Variants in GALNTL6 observed in about 807,000 individuals in gnomAD.
GALNTL6 encodes the protein polypeptide N-acetylgalactosaminyltransferase-like 6.
A neutral mutation model predicts 73.7 loss-of-function variants in GALNTL6; 46 were observed. That is an observed-to-expected ratio of 0.62 (90% CI 0.49 to 0.80). The LOEUF (loss-of-function observed/expected upper bound fraction) is 0.80, where lower values mean the gene tolerates loss of function less well. Among genes scored for constraint, GALNTL6 ranks in the 30% least tolerant of loss-of-function variants. GALNTL6 has a pLI of 0.00. For missense variants in GALNTL6, 604 were observed against 755.0 expected, an observed-to-expected ratio of 0.80 and a Z score of 2.34; for synonymous variants, 259 against 263.7, an observed-to-expected ratio of 0.98 and a Z score of 0.17.
chr4:172,481,180 G>A (rs924608536), intron 5 of GALNTL6, among the ~76,000 whole-genome samples: 2 of 152,062 alleles, frequency 1.3e-5, no homozygotes, highest in Non-Finnish European at 2.9e-5. Flanking sequence ...TGAAGCTGCA[G>A]ACCTTCACGA....
chr4:172,083,760 G>T (rs1299416876), intron 2 of GALNTL6, among the ~76,000 whole-genome samples: 1 of 151,678 alleles, frequency 6.6e-6, no homozygotes, highest in Non-Finnish European at 1.5e-5. Flanking sequence ...GTTTTTTTAC[G>T]TGTCTCTCTC....
At chr4:172,815,402 C>T (rs1321416596) in intron 7 of GALNTL6, among the ~76,000 whole-genome samples, 2 of 152,158 alleles carry the variant, frequency 1.3e-5, no homozygotes, top group East Asian at 3.8e-4. Flanking sequence ...TGCTGGCCCA[C>T]AGCAGAAGAG....
chr4:172,695,880 G>A (rs1172403448), intron 5 of GALNTL6, among the ~76,000 whole-genome samples: 1 of 152,004 alleles, frequency 6.6e-6, no homozygotes, highest in Non-Finnish European at 1.5e-5. Flanking sequence ...ATGAACCCAG[G>A]AGGTGGAGCT....
At position 172,274,403 on chromosome 4, in the gene GALNTL6, G is replaced by A. The variant is rs547654382; in HGVS notation, c.248-37211G>A. On this transcript the variant is annotated intron_variant, in intron 3 of 12. Transcript: ENST00000506823. ...ATCTTTAAAAAAATTAAAACTTGAA[G>A]AATTTAAGTAAATTGCCCACAGCAA... Among the ~76,000 whole-genome samples, 7 of 152,284 alleles carry A rather than the reference G, an allele frequency of 4.6e-5. No homozygotes were observed. The East Asian group carries it at 1.2e-3, about 25-fold the overall frequency.
chr4:172,951,199 A>G (rs907487202), intron 9 of GALNTL6, among the ~76,000 whole-genome samples: 9 of 152,222 alleles, frequency 5.9e-5, no homozygotes, highest in African/African-American at 1.9e-4. Context: ...TAAGTGCTTT[A>G]CGGGTGTTGC....
At chr4:172,562,638 A>G (rs1371429977) in intron 5 of GALNTL6, among the ~76,000 whole-genome samples, 1 of 152,214 alleles carries the variant, frequency 6.6e-6, no homozygotes, top group Non-Finnish European at 1.5e-5. Flanking sequence ...CTCTTCTCTG[A>G]CATAAGGTAT....
In GALNTL6 at chr4:172,987,071, C is replaced by T. The variant is rs115953485; in HGVS notation, c.1372-22107C>T. 8.2e-3 allele frequency among the ~76,000 whole-genome samples: 1,252 copies of T among 152,174 alleles called. 15 individuals carry two copies. Among genetic ancestry groups the T allele is most frequent in the African/African-American group, 0.028 (1,163 of 41,524 alleles). On this transcript the variant is annotated intron_variant, in intron 10 of 12. Transcript: ENST00000506823. The stretch of plus-strand genomic sequence containing the variant: ...TTTAGAAACATAATTTTTCTCTCTC[C>T]AGTCTCCGAATTTTATTAAAGACAA...
At chr4:172,993,404 C>G (rs143753647) in intron 10 of GALNTL6, among the ~76,000 whole-genome samples, 1 of 152,336 alleles carries the variant, frequency 6.6e-6, no homozygotes, top group African/African-American at 2.4e-5. Context: ...GCCACCTAAT[C>G]TGTGGTATTT....
At chr4:172,818,857 A>G (rs1255379879) in intron 7 of GALNTL6, among the ~76,000 whole-genome samples, 1 of 152,200 alleles carries the variant, frequency 6.6e-6, no homozygotes, top group Non-Finnish European at 1.5e-5. Context: ...TTAGCCTCCC[A>G]AAGTGTTGGG....
At chr4:171,968,868 G>C (rs960758160) in intron 2 of GALNTL6, among the ~76,000 whole-genome samples, 1 of 150,704 alleles carries the variant, frequency 6.6e-6, no homozygotes, top group Non-Finnish European at 1.5e-5. Context: ...ACAGAGTCTC[G>C]CTCTGTCACC....
At chr4:172,853,723 T>C (rs1257267574) in intron 7 of GALNTL6, among the ~76,000 whole-genome samples, 1 of 152,320 alleles carries the variant, frequency 6.6e-6, no homozygotes, top group East Asian at 1.9e-4. Context: ...GTAACATATT[T>C]GTATTGTTGA....
chr4:172,397,177 A>G (rs1441739896), intron 5 of GALNTL6, among the ~76,000 whole-genome samples: 6 of 152,168 alleles, frequency 3.9e-5, no homozygotes, highest in Non-Finnish European at 8.8e-5. Context: ...TAGGTCTGTG[A>G]TAGATGTAAA....
intron 2 of GALNTL6, among the ~76,000 whole-genome samples, chr4:172,130,406 A>T (rs529339856): frequency 6.6e-6 from 1 of 151,996 alleles, no homozygotes; most frequent in Non-Finnish European, 1.5e-5. Flanking sequence ...AAAAGTGCCT[A>T]TATTTTTGTT....
chr4:172,960,624 T>A (rs1290392092), intron 10 of GALNTL6, among the ~76,000 whole-genome samples: 1 of 152,052 alleles, frequency 6.6e-6, no homozygotes, highest in Non-Finnish European at 1.5e-5. Context: ...GAGGGAACAA[T>A]GTGTAAAAGA....
intron 10 of GALNTL6, among the ~76,000 whole-genome samples, chr4:173,007,218 C>G (rs1281460686): frequency 6.6e-6 from 1 of 152,156 alleles, no homozygotes; most frequent in African/African-American, 2.4e-5. Context: ...CCAGCAGGAA[C>G]AGGCCCAGGT....
chr4:172,614,352 A>G (rs1455129), intron 5 of GALNTL6, among the ~76,000 whole-genome samples: 53,380 of 152,042 alleles, frequency 0.35, 10,135 homozygotes, highest in Middle Eastern at 0.51. Context: ...GCATCTGCAA[A>G]GCTGAACTAA....
intron 7 of GALNTL6, among the ~76,000 whole-genome samples, chr4:172,838,944 A>G (rs890565629): frequency 6.6e-6 from 1 of 152,256 alleles, no homozygotes; most frequent in Non-Finnish European, 1.5e-5. Context: ...CAACTAGAGC[A>G]TCTGTCAATA....
chr4:172,018,625 C>T (rs1741291087), intron 2 of GALNTL6, among the ~76,000 whole-genome samples: 1 of 152,088 alleles, frequency 6.6e-6, no homozygotes, highest in Non-Finnish European at 1.5e-5. Flanking sequence ...AGCCCCAGGC[C>T]ATAAGCTTCA....
At chr4:172,249,438 T>A (rs1279883352) in intron 3 of GALNTL6, among the ~76,000 whole-genome samples, 1 of 152,208 alleles carries the variant, frequency 6.6e-6, no homozygotes, top group East Asian at 1.9e-4. Flanking sequence ...TCTGGAGAGA[T>A]ATTCAAGCCT....
Sources: allele counts gnomAD v4.1 joint callset (sites outside exome capture counted in the v4.1 genomes callset), GRCh38; gene constraint gnomAD v4.1.1; transcripts MANE v1.5; gene names NCBI Gene and HGNC (gene_info 2026-07-23, HGNC 2026-07-21).